ADK: variants seen among roughly 807,000 people sequenced by gnomAD.
ADK encodes N6,N6-dimethyladenosine kinase.
A neutral mutation model predicts 44.7 loss-of-function variants in ADK; 24 were observed. The ratio of observed to expected loss-of-function variants is 0.54; its 90% CI spans 0.39 to 0.76. ADK has a LOEUF of 0.76. Among genes scored for constraint, ADK ranks in the 30% least tolerant of loss-of-function variants. ADK has a pLI of 0.00. For synonymous variants in ADK, 128 were observed against 142.6 expected (o/e 0.90, Z 0.73); for missense variants, 321 against 425.1 (o/e 0.76, Z 2.15).
At chr10:74,689,638 C>T (rs1047359326) in intron 10 of ADK, among the ~76,000 whole-genome samples, 3 of 152,176 alleles carry the variant, frequency 2.0e-5, no homozygotes, top group Non-Finnish European at 2.9e-5. Flanking sequence ...TACCTAGGAT[C>T]TTTGCTGCCA....
intron 3 of ADK, among the ~76,000 whole-genome samples, chr10:74,245,638 T>TG (rs1037147979): frequency 6.8e-6 from 1 of 147,770 alleles, no homozygotes; most frequent in Non-Finnish European, 1.5e-5. Context: ...TCACCCAGGG[T>TG]GGAGTGCAGT....
At chr10:74,563,606 T>TA (rs2133824377) in intron 7 of ADK, among the ~76,000 whole-genome samples, 1 of 152,336 alleles carries the variant, frequency 6.6e-6, no homozygotes, top group South Asian at 2.1e-4. Context: ...ATAATATTCT[T>TA]ACTTTTACTT....
chr10:74,695,763 C>G (rs565896635), intron 10 of ADK, among the ~76,000 whole-genome samples: 8 of 151,960 alleles, frequency 5.3e-5, no homozygotes, highest in Non-Finnish European at 8.8e-5. Flanking sequence ...CCTCAGCCTC[C>G]CAAGTAGCTG....
intron 3 of ADK, among the ~76,000 whole-genome samples, chr10:74,239,715 CAAAAAAAAAAA>C (rs61022417): frequency 1.2e-5 from 1 of 85,050 alleles, no homozygotes. Flanking sequence ...GACCTTGTCT[CAAAAAAAAAAA>C]AAAAAAAAAA....
intron 3 of ADK, among the ~76,000 whole-genome samples, chr10:74,305,248 C>T (rs1840205298): frequency 6.6e-6 from 1 of 152,148 alleles, no homozygotes; most frequent in African/African-American, 2.4e-5. Context: ...ATATGGAGGG[C>T]CAGCCGTACT....
At chr10:74,361,710 T>G (rs995845791) in intron 4 of ADK, among the ~76,000 whole-genome samples, 8 of 152,254 alleles carry the variant, frequency 5.3e-5, no homozygotes, top group Non-Finnish European at 7.3e-5. Context: ...TCTTCCAGTT[T>G]GAAGAAGTTT....
intron 2 of ADK, among the ~76,000 whole-genome samples, chr10:74,218,004 G>A (rs149001303): frequency 0.17 from 25,945 of 152,124 alleles, 2,578 homozygotes; most frequent in African/African-American, 0.28. Flanking sequence ...CACCAGCAAT[G>A]GAACAAAGCT....
chr10:74,193,517 G>A (rs943990233), intron 1 of ADK, among the ~76,000 whole-genome samples: 1 of 152,112 alleles, frequency 6.6e-6, no homozygotes, highest in African/African-American at 2.4e-5. Flanking sequence ...AGGCATGCTG[G>A]CTCATGCCTG....
chr10:74,251,983 C>T (rs189946916), intron 3 of ADK, among the ~76,000 whole-genome samples: 103 of 147,416 alleles, frequency 7.0e-4, no homozygotes, highest in African/African-American at 2.6e-3. Context: ...CATGATTATC[C>T]CATTTTTCTT....
At chr10:74,637,906 T>C (rs1481352898) in intron 9 of ADK, among the ~76,000 whole-genome samples, 1 of 152,206 alleles carries the variant, frequency 6.6e-6, no homozygotes, top group Non-Finnish European at 1.5e-5. Context: ...TCATGAGTAA[T>C]ACCTATTCAA....
At chr10:74,196,706 A>C (rs568737370) in intron 1 of ADK, among the ~76,000 whole-genome samples, 1 of 152,276 alleles carries the variant, frequency 6.6e-6, no homozygotes, top group South Asian at 2.1e-4. Context: ...AATAAACAAA[A>C]CTACCGACAT....
chr10:74,680,115 C>T (rs1855548260), intron 10 of ADK, among the ~76,000 whole-genome samples: 1 of 151,936 alleles, frequency 6.6e-6, no homozygotes, highest in African/African-American at 2.4e-5. Context: ...GAGATCGAGA[C>T]CATCCTGGCT....
chr10:74,243,928 CCATTGAACTGTATAGATGT>C (rs1260796610), intron 3 of ADK, among the ~76,000 whole-genome samples: 1 of 152,024 alleles, frequency 6.6e-6, no homozygotes, highest in Non-Finnish European at 1.5e-5. Flanking sequence ...TTCATTCTCT[CCATTGAACTGTATAGATGT>C]ATTACCTGTA....
At chr10:74,336,527 GTTAATT>G (rs1841414995) in intron 4 of ADK, among the ~76,000 whole-genome samples, 1 of 152,090 alleles carries the variant, frequency 6.6e-6, no homozygotes. Flanking sequence ...ATTTTGCACT[GTTAATT>G]TTAATGTAAT....
intron 7 of ADK, among the ~76,000 whole-genome samples, chr10:74,586,854 C>CAA (rs35038709): frequency 1.9e-5 from 2 of 106,492 alleles, no homozygotes; most frequent in Non-Finnish European, 3.9e-5. Flanking sequence ...AGCTCTGTCT[C>CAA]AAAAAAAAAA....
Position 74,522,330 on chromosome 10 carries a change from A to G in ADK, c.556-2926A>G, listed in dbSNP as rs144957248. ...GTTAGATTATTCTTGGCCACCAGGT[A>G]TAGGACAGGACCCCTTTGGAAAAGG... On this transcript the variant is annotated intron_variant, in intron 6 of 10. Transcript: ENST00000539909. Among the ~76,000 whole-genome samples, 567 of 152,258 alleles carry G rather than the reference A, an allele frequency of 3.7e-3. 1 individual carries two copies. The highest frequency in any genetic ancestry group is 0.013 in the African/African-American group (525 of 41,542).
intron 3 of ADK, among the ~76,000 whole-genome samples, chr10:74,310,811 T>C (rs1170232842): frequency 6.6e-6 from 1 of 152,174 alleles, no homozygotes; most frequent in Non-Finnish European, 1.5e-5. Flanking sequence ...TCTGAATACG[T>C]CATGTTTATT....
At chr10:74,259,543 A>G (rs1275792213) in intron 3 of ADK, among the ~76,000 whole-genome samples, 1 of 130,784 alleles carries the variant, frequency 7.6e-6, no homozygotes, top group Non-Finnish European at 1.6e-5. Flanking sequence ...CGCAAGCTCC[A>G]CCTCCTGGGT....
At chr10:74,154,922 C>A (rs1841706523) in intron 1 of ADK, among the ~76,000 whole-genome samples, 2 of 152,182 alleles carry the variant, frequency 1.3e-5, no homozygotes, top group African/African-American at 2.4e-5. Context: ...TCTACTTATT[C>A]ATCACGGCAA....
Sources: allele counts gnomAD v4.1 joint callset (sites outside exome capture counted in the v4.1 genomes callset), GRCh38; gene constraint gnomAD v4.1.1; transcripts MANE v1.5; gene names NCBI Gene and HGNC (gene_info 2026-07-23, HGNC 2026-07-21).